The following TAFA4 variants were observed in gnomAD, a reference collection of about 807,000 sequenced individuals.
TAFA4 encodes TAFA chemokine like family member 4.
In TAFA4, 20 loss-of-function variants were observed where a neutral mutation model predicts 21.1. That is an observed-to-expected ratio of 0.95 (90% CI 0.67 to 1.38). The LOEUF is 1.38. Among genes scored for constraint, TAFA4 ranks in the 40% most tolerant of loss-of-function variants. The pLI, the probability that TAFA4 is intolerant of heterozygous loss-of-function variation, is 0.00. For missense variants in TAFA4, 211 were observed against 180.9 expected (o/e 1.17, Z -0.95); for synonymous variants, 71 against 67.4 (o/e 1.05, Z -0.26).
chr3:68,904,065 TA>T (rs10707666), intron 1 of TAFA4, among the ~76,000 whole-genome samples: 125,405 of 143,534 alleles, frequency 0.87, 54,612 homozygotes, highest in Middle Eastern at 0.93. Flanking sequence ...TTTAGAAAGT[TA>T]AAAAAAAAAA....
chr3:68,760,010 C>G (rs919346384), intron 3 of TAFA4, among the ~76,000 whole-genome samples: 25 of 152,236 alleles, frequency 1.6e-4, no homozygotes, highest in African/African-American at 6.0e-4. Flanking sequence ...AAACTTGAAA[C>G]TGTTACTCGA....
chr3:68,738,650 G>C (rs1386277669), intron 5 of TAFA4, among the ~76,000 whole-genome samples: 1 of 152,148 alleles, frequency 6.6e-6, no homozygotes, highest in Non-Finnish European at 1.5e-5. Context: ...GACCACTTGG[G>C]GAGAAAAGCG....
At chr3:68,868,325 T>C (rs1418930380) in intron 3 of TAFA4, among the ~76,000 whole-genome samples, 1 of 151,898 alleles carries the variant, frequency 6.6e-6, no homozygotes, top group East Asian at 1.9e-4. Flanking sequence ...CACCCAAATA[T>C]ATATATAATG....
At chr3:68,763,827 T>C (rs572881680) in intron 3 of TAFA4, among the ~76,000 whole-genome samples, 1 of 151,284 alleles carries the variant, frequency 6.6e-6, no homozygotes, top group Non-Finnish European at 1.5e-5. Context: ...TGAGGGGATC[T>C]CATCATTAGG....
At chr3:68,830,489 T>C (rs991999792) in intron 3 of TAFA4, among the ~76,000 whole-genome samples, 5 of 152,222 alleles carry the variant, frequency 3.3e-5, no homozygotes, top group Non-Finnish European at 7.3e-5. Flanking sequence ...TCCATGTAGT[T>C]GTGCAGTTTT....
At chr3:68,734,152 T>G (rs898859285) in intron 5 of TAFA4, among the ~76,000 whole-genome samples, 1 of 152,200 alleles carries the variant, frequency 6.6e-6, no homozygotes, top group Admixed American at 6.5e-5. Flanking sequence ...GTTCCAGACT[T>G]TATGTATAGA....
chr3:68,931,741 C>T lies in TAFA4; in HGVS notation c.-123+499G>A, dbSNP rs1487375307. On this transcript the variant is annotated intron_variant, in intron 1 of 5. Transcript: ENST00000295569. ...CCGAGCGCTCGCTGCGCCCTTCAAG[C>T]AAGATCCTAGCAACCAGAGCTTCAG... Among the ~76,000 whole-genome samples, 11 of 132,822 alleles carry T rather than the reference C, an allele frequency of 8.3e-5. 1 individual carries two copies. In the Admixed American group the frequency reaches 1.0e-3, roughly 12 times the overall value. 87.1% of individuals were successfully genotyped at this position (132,822 alleles called of 152,430 possible).
At chr3:68,862,905 G>A (rs113420896) in intron 3 of TAFA4, among the ~76,000 whole-genome samples, 1 of 151,328 alleles carries the variant, frequency 6.6e-6, no homozygotes, top group Non-Finnish European at 1.5e-5. Flanking sequence ...AGGTTCCCCA[G>A]CTAAAATGAG....
intron 3 of TAFA4, among the ~76,000 whole-genome samples, chr3:68,771,096 C>A (rs1370407269): frequency 6.6e-6 from 1 of 151,906 alleles, no homozygotes; most frequent in Non-Finnish European, 1.5e-5. Context: ...GGAAAAATCA[C>A]CTTCTCACTC....
chr3:68,799,621 G>A (rs1358968724), intron 3 of TAFA4, among the ~76,000 whole-genome samples: 1 of 152,180 alleles, frequency 6.6e-6, no homozygotes, highest in Non-Finnish European at 1.5e-5. Flanking sequence ...GCTCCTTATA[G>A]GAAGAGGCAG....
chr3:68,752,132 C>T, intron 4 of TAFA4, among the ~76,000 whole-genome samples: 1 of 152,142 alleles, frequency 6.6e-6, no homozygotes, highest in African/African-American at 2.4e-5. Context: ...AGACATGCAT[C>T]AAATGAGACA....
In TAFA4 at chr3:68,921,328, C is replaced by G. The variant is rs1488885482; in HGVS notation, c.-123+10912G>C. 2.0e-5 allele frequency among the ~76,000 whole-genome samples: 3 copies of G among 152,018 alleles called. No individual in the cohort carries two copies. The East Asian group carries it at 5.8e-4, about 29-fold the overall frequency. The stretch of plus-strand genomic sequence containing the variant: ...CACACATTTCTATAACTCAGATTAT[C>G]TCCAAAATATTTCACAAACTTCCAA... On this transcript the variant is annotated intron_variant, in intron 1 of 5. Transcript: ENST00000295569.
intron 1 of TAFA4, among the ~76,000 whole-genome samples, chr3:68,924,761 T>C (rs188572508): frequency 1.3e-3 from 195 of 152,068 alleles, no homozygotes; most frequent in Non-Finnish European, 2.6e-3. Context: ...TTAACAAACA[T>C]TCTCCAACGC....
intron 3 of TAFA4, among the ~76,000 whole-genome samples, chr3:68,783,673 C>CACAG (rs1197438062): frequency 8.1e-5 from 7 of 86,190 alleles, no homozygotes; most frequent in Non-Finnish European, 6.8e-5. Context: ...CACACACACA[C>CACAG]AGAGAGAGAG....
intron 3 of TAFA4, among the ~76,000 whole-genome samples, chr3:68,785,290 G>T (rs1387056646): frequency 3.9e-5 from 6 of 152,250 alleles, no homozygotes; most frequent in East Asian, 1.9e-4. Flanking sequence ...GGAGCTGCCT[G>T]CCAGTCCCGC....
At chr3:68,921,474 T>C (rs2090060817) in intron 1 of TAFA4, among the ~76,000 whole-genome samples, 1 of 152,192 alleles carries the variant, frequency 6.6e-6, no homozygotes, top group African/African-American at 2.4e-5. Context: ...TGAAATCCAC[T>C]GAAGGCTTTT....
intron 1 of TAFA4, among the ~76,000 whole-genome samples, chr3:68,885,625 C>G (rs564039498): frequency 6.6e-6 from 1 of 152,108 alleles, no homozygotes. Flanking sequence ...TTTCACTCTC[C>G]CATTTCATTG....
chr3:68,799,619 T>A lies in TAFA4; in HGVS notation c.131-46601A>T, dbSNP rs79605142. Among the ~76,000 whole-genome samples, 694 of 152,180 alleles carry A rather than the reference T, an allele frequency of 4.6e-3. 11 individuals are homozygous for A. The East Asian group carries it at 0.049, about 11-fold the overall frequency. ...CCCAATTTAATCCCATAGCTCCTTA[T>A]AGGAAGAGGCAGGAGGATCAGTCAG... is the stretch of plus-strand genomic sequence containing the variant. On this transcript the variant is annotated intron_variant, in intron 3 of 5. Transcript: ENST00000295569.
At chr3:68,770,547 A>ACT (rs1702935013) in intron 3 of TAFA4, among the ~76,000 whole-genome samples, 1 of 152,226 alleles carries the variant, frequency 6.6e-6, no homozygotes, top group South Asian at 2.1e-4. Flanking sequence ...CAGTTTTCAA[A>ACT]CTAGGGTATG....
Sources: allele counts gnomAD v4.1 joint callset (sites outside exome capture counted in the v4.1 genomes callset), GRCh38; gene constraint gnomAD v4.1.1; transcripts MANE v1.5; gene names NCBI Gene and HGNC (gene_info 2026-07-23, HGNC 2026-07-21).